The following GLYATL2 variants were observed in gnomAD, a reference collection of about 807,000 sequenced individuals.
GLYATL2 encodes glycine-N-acyltransferase like 2.
In GLYATL2, 25 loss-of-function variants were observed where a neutral mutation model predicts 21.4. That is an observed-to-expected ratio of 1.17 (90% confidence interval 0.85 to 1.63). The LOEUF (loss-of-function observed/expected upper bound fraction) is 1.63, where lower values mean the gene tolerates loss of function less well. GLYATL2 is among the 40% of genes most tolerant of loss of function. GLYATL2 has a pLI of 0.00. For missense variants in GLYATL2, 361 were observed against 343.3 expected (o/e 1.05, Z -0.41); for synonymous variants, 114 against 118.2 (o/e 0.96, Z 0.23).
chr11:58,842,145 C>T (rs564481687), intron 1 of GLYATL2, among the ~76,000 whole-genome samples: 3 of 152,178 alleles, frequency 2.0e-5, no homozygotes, highest in Admixed American at 1.3e-4. Context: ...TACAAAATGC[C>T]AACCCTATTT....
Position 58,834,798 on chromosome 11 carries a change from A to T in GLYATL2, c.516T>A (p.His172Gln). 3 of 1,609,492 alleles carry T rather than the reference A, an allele frequency of 1.9e-6. No homozygotes were observed. The highest frequency in any genetic ancestry group is 2.5e-6 in the Non-Finnish European group (3 of 1,178,272). The stretch of plus-strand genomic sequence containing the variant: ...CCCAGTGTTCATTCACAAGACCTGC[A>T]TGTGAAGCATCTAAGAACATGTTTG... ...NFSNMFLDAS[H>Q]AGLVNEHWAF... The change falls in exon 6 of 6, where the codon CAT (histidine) becomes CAA (glutamine). Residue 172 changes from histidine (H) to glutamine (Q), a missense_variant. By Grantham distance (24) the His-to-Gln change is conservative (BLOSUM62 0). Transcript: ENST00000287275.
chr11:58,874,207 T>A (rs1375788954), intron 1 of GLYATL2, among the ~76,000 whole-genome samples: 2 of 152,188 alleles, frequency 1.3e-5, no homozygotes, highest in Admixed American at 1.3e-4. Flanking sequence ...TTGCTAGTGG[T>A]CTATCAATTT....
intron 1 of GLYATL2, among the ~76,000 whole-genome samples, chr11:58,859,856 G>T (rs77368549): frequency 6.6e-6 from 1 of 152,086 alleles, no homozygotes; most frequent in Non-Finnish European, 1.5e-5. Context: ...TTTTTCAACA[G>T]CATTTATTAA....
chr11:58,838,424 CTT>C (rs1853481722), intron 2 of GLYATL2, 56 bp from the exon 3 acceptor site: 3 of 1,089,562 alleles, frequency 2.8e-6, no homozygotes, highest in Non-Finnish European at 2.8e-6. Flanking sequence ...AATATAGAGT[CTT>C]ATATGTGGAG....
At position 58,894,476 on chromosome 11, in the gene GLYATL2, C is replaced by CAAAA. The variant is rs1554980634; in HGVS notation, n.60+9676_60+9679dup. 1.1e-4 allele frequency among the ~76,000 whole-genome samples: 13 copies of CAAAA among 116,532 alleles called. 1 individual carries two copies. The highest frequency in any genetic ancestry group is 1.9e-4 in the African/African-American group (6 of 31,092). 76.4% of individuals were successfully genotyped at this position (116,532 alleles called of 152,430 possible). On this transcript the variant is annotated intron_variant and non_coding_transcript_variant, in intron 1 of 4. Transcript: ENST00000533636. ...ATTACTGTGAACATTGCAGCTATAG[C>CAAAA]AAAAAAAAAAAAAAAAAGCATTTTC... is the stretch of plus-strand genomic sequence containing the variant.
upstream of GLYATL2, among the ~76,000 whole-genome samples, chr11:58,848,186 C>T (rs1315808156): frequency 6.6e-6 from 1 of 152,008 alleles, no homozygotes; most frequent in Non-Finnish European, 1.5e-5. Flanking sequence ...AATCATGATA[C>T]CTACATCTTT....
chr11:58,862,576 G>T (rs948339125), intron 1 of GLYATL2, among the ~76,000 whole-genome samples: 1 of 151,976 alleles, frequency 6.6e-6, no homozygotes, highest in South Asian at 2.1e-4. Flanking sequence ...TATTCTAGTC[G>T]ATCAAATCTG....
chr11:58,843,155 A>C (rs1429465317), intron 1 of GLYATL2, among the ~76,000 whole-genome samples: 1 of 152,178 alleles, frequency 6.6e-6, no homozygotes, highest in Non-Finnish European at 1.5e-5. Context: ...TTTATATGGG[A>C]GTACACAGGG....
At chr11:58,870,942 C>A (rs1386588413) in intron 1 of GLYATL2, among the ~76,000 whole-genome samples, 2 of 152,082 alleles carry the variant, frequency 1.3e-5, no homozygotes, top group African/African-American at 2.4e-5. Context: ...GAATTGTCTC[C>A]CAACCAGAAT....
rs140565113 is a variant in GLYATL2, at chr11:58,882,666, T to A, written n.60+21490A>T. On this transcript the variant is annotated intron_variant and non_coding_transcript_variant, in intron 1 of 4. Coordinates refer to the GLYATL2 transcript ENST00000533636. The stretch of plus-strand genomic sequence containing the variant: ...CATGAAGTCCTTGCCCATGCCGATG[T>A]CCTGAATGGTACTGCCTAGGTTTTC... Among the ~76,000 whole-genome samples the A allele has an allele frequency of 2.3e-3, 350 of 152,340 alleles. 6 individuals are homozygous for A. In the South Asian group the frequency reaches 0.035, roughly 15 times the overall value.
At chr11:58,838,058 A>G (rs1263692418) in intron 3 of GLYATL2, among the ~76,000 whole-genome samples, 1 of 152,114 alleles carries the variant, frequency 6.6e-6, no homozygotes, top group Non-Finnish European at 1.5e-5. Flanking sequence ...TTTTATTTAC[A>G]CATCCTGGAT....
At chr11:58,907,156 C>G, upstream of GLYATL2, 1 of 405,856 alleles carries the variant, frequency 2.5e-6, no homozygotes, top group East Asian at 7.2e-5. Flanking sequence ...TCAGCCGGGG[C>G]TCTGATCAGT....
rs1369788918 is a variant in GLYATL2 at position 58,869,002 on chromosome 11, C to A, written n.61-30634G>T. On this transcript the variant is annotated intron_variant and non_coding_transcript_variant, in intron 1 of 4. Coordinates refer to the GLYATL2 transcript ENST00000533636. ...GTTCGTCATTTTGTGTGTGTCCAGG[C>A]AAGTGAGTGTCTTTTGTGGGTACCA... Among the ~76,000 whole-genome samples the A allele has an allele frequency of 2.2e-4, 29 of 129,854 alleles. 2 individuals are homozygous for A. The East Asian group carries it at 2.3e-3, about 10-fold the overall frequency. 85.2% of individuals were successfully genotyped at this position (129,854 alleles called of 152,430 possible).
upstream of GLYATL2, chr11:58,907,163 C>G (rs922968322): frequency 2.1e-5 from 9 of 421,450 alleles, no homozygotes; most frequent in Non-Finnish European, 4.3e-5. Context: ...GGGCTCTGAT[C>G]AGTACACAGT....
At chr11:58,892,474 A>C (rs1002530950) in intron 1 of GLYATL2, 5 of 161,586 alleles carry the variant, frequency 3.1e-5, no homozygotes, top group Non-Finnish European at 6.9e-5. Context: ...TTACATTGGG[A>C]ATGTAAATTC....
chr11:58,870,717 C>T (rs1000405222), intron 1 of GLYATL2, among the ~76,000 whole-genome samples: 2 of 152,206 alleles, frequency 1.3e-5, no homozygotes, highest in Admixed American at 6.5e-5. Flanking sequence ...GTCCTCCTTG[C>T]TCCACAAGTC....
In GLYATL2 at chr11:58,878,461, G is replaced by A. The variant is rs188164587; in HGVS notation, n.60+25695C>T. 8.3e-4 allele frequency: 235 copies of A among 281,602 alleles called. 2 individuals carry two copies. Among genetic ancestry groups the A allele is most frequent in the Non-Finnish European group, 1.1e-3 (184 of 163,476 alleles). The allele number at this position is 281,602 out of a possible 1,614,324, so 17.4% of individuals were successfully genotyped here. ...AATTTCCTTGAGCAAATTTGTGATC[G>A]AAACTGGGTTTGGAGTTGCAACAGA... is the stretch of plus-strand genomic sequence containing the variant. On this transcript the variant is annotated intron_variant and non_coding_transcript_variant, in intron 1 of 4. Coordinates refer to the GLYATL2 transcript ENST00000533636.
At chr11:58,863,800 G>A (rs754535442) in intron 1 of GLYATL2, among the ~76,000 whole-genome samples, 1 of 152,150 alleles carries the variant, frequency 6.6e-6, no homozygotes, top group Non-Finnish European at 1.5e-5. Flanking sequence ...CTCTGGAACC[G>A]AGGTCTACAG....
At chr11:58,889,730 A>T (rs1022286650) in intron 1 of GLYATL2, among the ~76,000 whole-genome samples, 1 of 152,108 alleles carries the variant, frequency 6.6e-6, no homozygotes, top group Non-Finnish European at 1.5e-5. Context: ...TCATGTTCAC[A>T]TCCTTTTGAT....
Sources: gnomAD v4.1 joint callset for allele counts (sites outside exome capture counted in the v4.1 genomes callset) on GRCh38, gnomAD v4.1.1 for gene constraint, MANE v1.5 for transcripts, NCBI Gene and HGNC (gene_info 2026-07-23, HGNC 2026-07-21) for gene names.